Variants in GOLM1 observed in about 807,000 individuals in gnomAD.
GOLM1 encodes the protein golgi membrane protein 1.
GOLM1 carries 31 observed loss-of-function variants against 50.5 expected under a neutral mutation model. The ratio of observed to expected loss-of-function variants is 0.61; its 90% CI spans 0.46 to 0.83. The LOEUF is 0.83. Among genes scored for constraint, GOLM1 ranks in the 40% least tolerant of loss-of-function variants. The pLI is 0.00. For missense variants in GOLM1, 491 were observed against 501.3 expected, an observed-to-expected ratio of 0.98 and a Z score of 0.20; for synonymous variants, 178 against 192.8, an observed-to-expected ratio of 0.92 and a Z score of 0.64.
chr9:86,031,051 A>G (rs1328907799), intron 9 of GOLM1, among the ~76,000 whole-genome samples: 1 of 152,192 alleles, frequency 6.6e-6, no homozygotes, highest in Non-Finnish European at 1.5e-5. Flanking sequence ...CTCTAATAAA[A>G]ATACAAATAT....
At chr9:86,073,768 C>T (rs1254160603) in intron 3 of GOLM1, among the ~76,000 whole-genome samples, 1 of 152,180 alleles carries the variant, frequency 6.6e-6, no homozygotes, top group Non-Finnish European at 1.5e-5. Flanking sequence ...CATTATTTGG[C>T]TATTTACATT....
intron 9 of GOLM1, among the ~76,000 whole-genome samples, chr9:86,032,325 G>A (rs555874354): frequency 2.0e-5 from 3 of 152,142 alleles, no homozygotes; most frequent in African/African-American, 7.2e-5. Flanking sequence ...CCACCACCAC[G>A]CCTGGCTAAT....
At chr9:86,052,989 ACACACCAAAC>A (rs1833811839) in intron 3 of GOLM1, among the ~76,000 whole-genome samples, 1 of 49,768 alleles carries the variant, frequency 2.0e-5, no homozygotes, top group Non-Finnish European at 4.1e-5. Flanking sequence ...CCACACCACG[ACACACCAAAC>A]CACACCACAC....
rs769390293 is a variant in GOLM1 at position 86,036,364 on chromosome 9, CTT to C, written c.739_740del (p.Lys247GlufsTer4). 1.2e-6 allele frequency: 2 copies of C among 1,614,118 alleles called. No homozygotes were observed. The highest frequency in any genetic ancestry group is 1.7e-6 in the Non-Finnish European group (2 of 1,180,048). ...TCTGCTTACCTTTCTCAACTTGTCT[CTT>C]TGAATCCAAAACCACTTCGGAACTG... is the stretch of plus-strand genomic sequence containing the variant. ...APSSEVVLDS[K>X]RQVEKEETNE... On this transcript the variant is annotated frameshift_variant, in exon 7 of 10. Transcript: ENST00000388712. LOFTEE classifies it high-confidence loss of function.
At chr9:86,057,464 GT>G (rs1245750607) in intron 3 of GOLM1, among the ~76,000 whole-genome samples, 2 of 152,128 alleles carry the variant, frequency 1.3e-5, no homozygotes, top group African/African-American at 2.4e-5. Context: ...TCTGAGAGGA[GT>G]GTTTGGGAGG....
intron 1 of GOLM1, among the ~76,000 whole-genome samples, chr9:86,085,490 T>A (rs577862170): frequency 3.9e-4 from 59 of 151,666 alleles, no homozygotes; most frequent in African/African-American, 1.1e-3. Context: ...ACTTTTTTTT[T>A]AAATTATACT....
intron 5 of GOLM1, 100 bp downstream of exon 5, chr9:86,046,369 CA>C: frequency 2.7e-6 from 2 of 732,492 alleles, no homozygotes; most frequent in Non-Finnish European, 4.9e-6. Flanking sequence ...CCGCACGGAG[CA>C]GAAGGTGCAT....
chr9:86,099,676 C>G (rs1835476051), upstream of GOLM1: 1 of 150,912 alleles, frequency 6.6e-6, no homozygotes, highest in African/African-American at 2.4e-5. Context: ...GGACTCCCGG[C>G]CCCACGGTGC....
intron 1 of GOLM1, among the ~76,000 whole-genome samples, chr9:86,093,605 GA>G (rs1275550087): frequency 1.4e-5 from 2 of 145,662 alleles, no homozygotes; most frequent in East Asian, 4.1e-4. Flanking sequence ...ATCAGAAAAG[GA>G]AAAAACTGCA....
intron 1 of GOLM1, among the ~76,000 whole-genome samples, chr9:86,095,186 T>C (rs553942412): frequency 1.8e-4 from 28 of 152,204 alleles, no homozygotes; most frequent in African/African-American, 6.3e-4. Flanking sequence ...CTGCCAGCCA[T>C]CTATTTTTGT....
At chr9:86,045,925 C>G (rs73476985) in intron 5 of GOLM1, among the ~76,000 whole-genome samples, 6,356 of 152,224 alleles carry the variant, frequency 0.042, 423 homozygotes, top group African/African-American at 0.15. Flanking sequence ...AAAATAAACA[C>G]AACTTTATCC....
intron 5 of GOLM1, among the ~76,000 whole-genome samples, chr9:86,045,897 T>C (rs1833524019): frequency 6.6e-6 from 1 of 152,162 alleles, no homozygotes; most frequent in African/African-American, 2.4e-5. Flanking sequence ...ACGTTAGCTA[T>C]ATTGTTTTTA....
At chr9:86,046,341 C>T (rs1247976687) in intron 5 of GOLM1, 129 bp downstream of exon 5, 11 of 643,594 alleles carry the variant, frequency 1.7e-5, no homozygotes, top group East Asian at 1.6e-4. Context: ...TAGAGGGGCC[C>T]GTGCCTTTCT....
At chr9:86,029,909 G>A (rs1309244757) in intron 9 of GOLM1, among the ~76,000 whole-genome samples, 2 of 152,136 alleles carry the variant, frequency 1.3e-5, no homozygotes, top group Admixed American at 1.3e-4. Flanking sequence ...AGGAAACTAG[G>A]CCCAATTTAA....
At chr9:86,056,598 C>T (rs959020620) in intron 3 of GOLM1, among the ~76,000 whole-genome samples, 5 of 151,548 alleles carry the variant, frequency 3.3e-5, no homozygotes, top group East Asian at 3.9e-4. Flanking sequence ...CTCCACCTCC[C>T]GGGTTCAAGC....
chr9:86,084,504 C>T (rs1360534494), intron 1 of GOLM1, among the ~76,000 whole-genome samples: 6 of 152,080 alleles, frequency 3.9e-5, no homozygotes, highest in Non-Finnish European at 8.8e-5. Flanking sequence ...GTCAGACATT[C>T]TATAAAACAC....
intron 1 of GOLM1, among the ~76,000 whole-genome samples, chr9:86,093,418 A>C (rs1835249103): frequency 6.6e-6 from 1 of 151,414 alleles, no homozygotes; most frequent in Non-Finnish European, 1.5e-5. Context: ...AAAAACCCCA[A>C]AATTATCTGG....
At chr9:86,043,635 T>C (rs956530130) in intron 5 of GOLM1, among the ~76,000 whole-genome samples, 33 of 152,332 alleles carry the variant, frequency 2.2e-4, no homozygotes, top group Middle Eastern at 3.4e-3. Flanking sequence ...TGGGAAGCAC[T>C]GCATATCTGG....
At chr9:86,099,047 A>C (rs890065010) in intron 1 of GOLM1, among the ~76,000 whole-genome samples, 4 of 152,312 alleles carry the variant, frequency 2.6e-5, no homozygotes, top group Admixed American at 6.5e-5. Context: ...TAGGGGGTGC[A>C]CGCTTTTGAC....
Sources: gnomAD v4.1 joint callset for allele counts (sites outside exome capture counted in the v4.1 genomes callset) on GRCh38, gnomAD v4.1.1 for gene constraint, MANE v1.5 for transcripts, NCBI Gene and HGNC (gene_info 2026-07-23, HGNC 2026-07-21) for gene names.